The following SOX5 variants were observed in gnomAD, a reference collection of about 807,000 sequenced individuals.
SOX5 encodes transcription factor SOX-5.
Under a neutral mutation model 92.0 loss-of-function variants are expected in SOX5, and 9 were observed. That is an observed-to-expected ratio of 0.10 (90% CI 0.06 to 0.17). SOX5 has a LOEUF of 0.17. SOX5 is among the 10% of genes least tolerant of loss of function. The probability of loss-of-function intolerance (pLI) is 1.00; values close to 1 mark genes in which losing one functional copy is unlikely to be tolerated. For missense variants in SOX5, 642 were observed against 944.5 expected (o/e 0.68, Z 4.20); for synonymous variants, 344 against 336.3 (o/e 1.02, Z -0.25).
chr12:24,141,855 G>A (rs1593547322), intron 4 of SOX5, among the ~76,000 whole-genome samples: 1 of 152,130 alleles, frequency 6.6e-6, no homozygotes, highest in East Asian at 1.9e-4. Context: ...TATGGAGAAT[G>A]TAAATGCCCC....
At chr12:23,741,731 T>C (rs1232013399) in intron 4 of SOX5, among the ~76,000 whole-genome samples, 3 of 152,156 alleles carry the variant, frequency 2.0e-5, no homozygotes, top group African/African-American at 7.2e-5. Flanking sequence ...TATTCAAGTT[T>C]GAGAACACAA....
At chr12:24,454,945 AGAT>A (rs199948400) in intron 1 of SOX5, among the ~76,000 whole-genome samples, 20 of 152,254 alleles carry the variant, frequency 1.3e-4, no homozygotes, top group South Asian at 2.1e-4. Context: ...TTAGAAAAAA[AGAT>A]GATTATATGC....
chr12:24,503,595 A>G (rs1305857739), intron 1 of SOX5, among the ~76,000 whole-genome samples: 1 of 152,216 alleles, frequency 6.6e-6, no homozygotes, highest in East Asian at 1.9e-4. Context: ...TCAATGATAG[A>G]TGGGATAAAG....
At chr12:24,383,904 G>A (rs1019746845) in intron 1 of SOX5, among the ~76,000 whole-genome samples, 2 of 152,078 alleles carry the variant, frequency 1.3e-5, no homozygotes, top group Admixed American at 6.6e-5. Flanking sequence ...TAAGTGTTGC[G>A]GAAGGGAACC....
chr12:24,011,482 T>C (rs1271233178), intron 4 of SOX5, among the ~76,000 whole-genome samples: 1 of 152,250 alleles, frequency 6.6e-6, no homozygotes, highest in African/African-American at 2.4e-5. Context: ...TTGCATCTAT[T>C]CTTTCTTTTT....
chr12:24,287,336 G>A (rs1197708576), intron 2 of SOX5, among the ~76,000 whole-genome samples: 1 of 143,490 alleles, frequency 7.0e-6, no homozygotes, highest in Non-Finnish European at 1.6e-5. Context: ...AAAATTTACA[G>A]TATTAACTTT....
intron 2 of SOX5, among the ~76,000 whole-genome samples, chr12:24,294,393 T>C (rs546507074): frequency 2.8e-4 from 43 of 152,248 alleles, no homozygotes; most frequent in South Asian, 6.2e-4. Flanking sequence ...GTAACTAATA[T>C]TAATCTCAAA....
chr12:24,076,207 A>G (rs954341399), intron 4 of SOX5, among the ~76,000 whole-genome samples: 4 of 152,050 alleles, frequency 2.6e-5, no homozygotes, highest in Non-Finnish European at 5.9e-5. Flanking sequence ...TATCCCTTTA[A>G]TTAAAATGGT....
chr12:23,693,194 G>C (rs2089206725), intron 6 of SOX5, among the ~76,000 whole-genome samples: 1 of 152,088 alleles, frequency 6.6e-6, no homozygotes, highest in Non-Finnish European at 1.5e-5. Flanking sequence ...CACGATCTCG[G>C]CTCACTGCAG....
At chr12:24,258,476 T>G (rs1941591206) in intron 3 of SOX5, among the ~76,000 whole-genome samples, 1 of 152,230 alleles carries the variant, frequency 6.6e-6, no homozygotes, top group African/African-American at 2.4e-5. Flanking sequence ...GTTAGCCATT[T>G]TCTAATAACA....
Position 23,891,196 on chromosome 12 carries a change from T to C in SOX5, c.270+4597A>G, listed in dbSNP as rs947501729. Among the ~76,000 whole-genome samples, 6 of 152,234 alleles carry C rather than the reference T, an allele frequency of 3.9e-5. No homozygotes were observed. The East Asian group carries it at 1.2e-3, about 29-fold the overall frequency. ...GGAATAAATGAACTTTAAGTATTTA[T>C]ACCACTTACAGCTGTTTGTAAGTCG... On this transcript the variant is annotated intron_variant, in intron 2 of 14. Coordinates refer to ENST00000451604, the MANE Select transcript of SOX5 (RefSeq NM_006940.6).
At chr12:23,949,688 A>T (rs955340000), upstream of SOX5, 3 of 1,599,620 alleles carry the variant, frequency 1.9e-6, no homozygotes, top group Non-Finnish European at 2.6e-6. Context: ...AACCTTCTAA[A>T]CCAATTGATT....
At chr12:23,557,539 A>G (rs1945393915) in intron 11 of SOX5, among the ~76,000 whole-genome samples, 1 of 152,262 alleles carries the variant, frequency 6.6e-6, no homozygotes, top group South Asian at 2.1e-4. Flanking sequence ...ACATAAGAAA[A>G]GAAATACAGA....
At chr12:23,803,605 G>C (rs2095705022) in intron 3 of SOX5, among the ~76,000 whole-genome samples, 1 of 152,046 alleles carries the variant, frequency 6.6e-6, no homozygotes. Context: ...ACCAAATACT[G>C]TATTAGCCTA....
chr12:23,806,546 T>C (rs2142293827), intron 3 of SOX5, among the ~76,000 whole-genome samples: 1 of 145,200 alleles, frequency 6.9e-6, no homozygotes, highest in South Asian at 2.1e-4. Context: ...AAGACTGAGG[T>C]GCTATTTTAC....
intron 3 of SOX5, among the ~76,000 whole-genome samples, chr12:24,256,763 T>C (rs1185361584): frequency 6.6e-6 from 1 of 152,148 alleles, no homozygotes; most frequent in Non-Finnish European, 1.5e-5. Context: ...GCCTCTCACT[T>C]TAAACACACA....
At chr12:23,622,190 G>T (rs757733785) in intron 8 of SOX5, among the ~76,000 whole-genome samples, 1 of 151,986 alleles carries the variant, frequency 6.6e-6, no homozygotes, top group African/African-American at 2.4e-5. Flanking sequence ...GAATCTGATC[G>T]TTTTAAAAGG....
chr12:24,163,056 G>A (rs1952953930), intron 4 of SOX5, among the ~76,000 whole-genome samples: 1 of 152,108 alleles, frequency 6.6e-6, no homozygotes, highest in South Asian at 2.1e-4. Flanking sequence ...GTAAGCTGGA[G>A]GAGCTATTTC....
chr12:23,949,500 CAG>C, intron 1 of SOX5, 62 bp downstream of exon 1: 2 of 1,595,218 alleles, frequency 1.3e-6, no homozygotes, highest in Non-Finnish European at 1.7e-6. Flanking sequence ...TCCAATGATT[CAG>C]AGACTACTGT....
Sources: gnomAD v4.1 joint callset for allele counts (sites outside exome capture counted in the v4.1 genomes callset) on GRCh38, gnomAD v4.1.1 for gene constraint, MANE v1.5 for transcripts, NCBI Gene and HGNC (gene_info 2026-07-23, HGNC 2026-07-21) for gene names.